HNRNPUL1: variants seen among roughly 807,000 people sequenced by gnomAD.
HNRNPUL1 encodes the protein heterogeneous nuclear ribonucleoprotein U like 1.
In HNRNPUL1, 14 loss-of-function variants were observed where a neutral mutation model predicts 108.5. That is an observed-to-expected ratio of 0.13 (90% confidence interval 0.09 to 0.20). The LOEUF is 0.20. Ranked by LOEUF, HNRNPUL1 falls within the 10% of genes least tolerant of loss-of-function variation. The pLI is 1.00. For missense variants in HNRNPUL1, 804 were observed against 1,168.3 expected, an observed-to-expected ratio of 0.69 and a Z score of 4.55; for synonymous variants, 422 against 445.2, an observed-to-expected ratio of 0.95 and a Z score of 0.66.
At chr19:41,291,098 T>G (rs1403614439) in intron 7 of HNRNPUL1, among the ~76,000 whole-genome samples, 1 of 152,164 alleles carries the variant, frequency 6.6e-6, no homozygotes, top group East Asian at 1.9e-4. Flanking sequence ...CAATAAGTAG[T>G]TGTTACAGAA....
At chr19:41,264,283 C>T (rs978404160), upstream of HNRNPUL1, 37 of 403,930 alleles carry the variant, frequency 9.2e-5, no homozygotes, top group East Asian at 7.6e-4. Flanking sequence ...GGTTTCCGGG[C>T]CCGCGCCCGT....
At chr19:41,281,077 T>C (rs2035871725) in intron 6 of HNRNPUL1, 86 bp from the exon 7 acceptor site, 3 of 846,084 alleles carry the variant, frequency 3.5e-6, no homozygotes, top group East Asian at 4.9e-5. Context: ...ATGATTTTTT[T>C]CTTCAAAAAT....
At chr19:41,301,850 C>T in intron 11 of HNRNPUL1, 146 bp downstream of exon 11, 1 of 743,488 alleles carries the variant, frequency 1.3e-6, no homozygotes, top group Non-Finnish European at 2.1e-6. Flanking sequence ...CCTTCCTTGT[C>T]TACCACAGCT....
At chr19:41,281,405 A>G in intron 7 of HNRNPUL1, 130 bp downstream of exon 7, 1 of 632,074 alleles carries the variant, frequency 1.6e-6, no homozygotes, top group Non-Finnish European at 2.9e-6. Flanking sequence ...TCTCTGCTTG[A>G]CAGACTGGAA....
rs544291183 is a variant in HNRNPUL1, at chr19:41,307,032, A to G, written c.*467A>G. On this transcript the variant is annotated 3_prime_UTR_variant, in exon 15 of 15. Coordinates refer to ENST00000392006, the MANE Select transcript of HNRNPUL1 (RefSeq NM_007040.6). The stretch of plus-strand genomic sequence containing the variant: ...ACTTTTCAGGATTAAAAAAAAAATC[A>G]AAACTTAAAAAAAAAAAAGTTTAAA... The G allele has an allele frequency of 6.5e-6, 1 of 152,940 alleles. No individual in the cohort carries two copies. Among genetic ancestry groups the G allele is most frequent in the South Asian group, 2.1e-4 (1 of 4,818 alleles). The allele number at this position is 152,940 out of a possible 1,614,324, so 9.5% of individuals were successfully genotyped here.
rs1599831302 is a variant in HNRNPUL1 at position 41,292,361 on chromosome 19, C to G, written c.1116C>G (p.Val372=). 6 of 1,614,084 alleles carry G rather than the reference C, an allele frequency of 3.7e-6. No individual in the cohort carries two copies. The highest frequency in any genetic ancestry group is 5.1e-6 in the Non-Finnish European group (6 of 1,180,050). Residue 372 remains valine (V), a synonymous_variant, in exon 8 of 15, where the codon GTC becomes GTG. Transcript: ENST00000392006. This position sits in a 1 kb window ranked among gnomAD's most constrained non-coding sequence, Gnocchi z 4.1. The part of the protein sequence containing the change: ...ALGGQALYPH[V]LVKNCAVEFN... ...GGGGTCAGGCCCTCTATCCTCATGTCCTGGTGAAGAATTGCGCAGTGGAGT... is the reference window on the plus strand; with the variant it reads ...GGGGTCAGGCCCTCTATCCTCATGTGCTGGTGAAGAATTGCGCAGTGGAGT...
chr19:41,264,529 A>G lies in HNRNPUL1; in HGVS notation c.26A>G (p.Asn9Ser). 6.8e-7 allele frequency: 1 copy of G among 1,472,956 alleles called. No homozygotes were observed. The highest frequency in any genetic ancestry group is 9.0e-7 in the Non-Finnish European group (1 of 1,113,242). The allele number at this position is 1,472,956 out of a possible 1,614,324, so 91.2% of individuals were successfully genotyped here. The part of the protein sequence containing the change: MDVRRLKV[N>S]ELREELQRRG... ...ATGGATGTGCGCCGTCTGAAGGTGA[A>G]CGAACTTCGCGAGGAGCTGCAGCGC... The change falls in exon 1 of 15, where the codon AAC (asparagine) becomes AGC (serine). Residue 9 changes from asparagine to serine, a missense_variant. Transcript: ENST00000392006.
Position 41,264,792 on chromosome 19 carries a change from G to A in HNRNPUL1, c.289G>A (p.Gly97Arg). ...GCCCGGCGGCTACTCGGGGCCGGAC[G>A]GACATTGTGAGAGTGCGCGGGGCGG... is the stretch of plus-strand genomic sequence containing the variant. ...AEPGGYSGPD[G>R]HYAMDNITRQ... The change falls in exon 1 of 15, where the codon GGA (glycine) becomes AGA (arginine). Residue 97 changes from glycine to arginine, a missense_variant. Transcript: ENST00000392006. The A allele has an allele frequency of 7.4e-7, 1 of 1,357,736 alleles. No individual in the cohort carries two copies. 84.1% of individuals were successfully genotyped at this position (1,357,736 alleles called of 1,614,324 possible).
rs1195744097 is a variant in HNRNPUL1, at chr19:41,301,717, T to C, written c.1687+13T>C. ...TTAGAAATGAAAGGTAGGAAATGAG[T>C]GCTTCCCAGAGGAACGTCAATGCAG... On this transcript the variant is annotated intron_variant, in intron 11 of 14. Coordinates refer to ENST00000392006, the MANE Select transcript of HNRNPUL1 (RefSeq NM_007040.6). The C allele has an allele frequency of 6.2e-7, 1 of 1,605,972 alleles. No individual in the cohort carries two copies. The highest frequency in any genetic ancestry group is 1.3e-5 in the African/African-American group (1 of 74,698).
intron 5 of HNRNPUL1, among the ~76,000 whole-genome samples, chr19:41,278,725 A>G (rs535143795): frequency 3.3e-5 from 5 of 152,290 alleles, no homozygotes; most frequent in African/African-American, 1.2e-4. Flanking sequence ...TTGGGATTAC[A>G]GGTGTGAGTC....
chr19:41,302,406 A>G, intron 11 of HNRNPUL1: 1 of 490,736 alleles, frequency 2.0e-6, no homozygotes, highest in East Asian at 4.5e-5. Flanking sequence ...TTTAGTAGAG[A>G]TGGGGTTTTG....
intron 1 of HNRNPUL1, among the ~76,000 whole-genome samples, chr19:41,267,328 G>A (rs1270962827): frequency 1.3e-5 from 2 of 152,184 alleles, no homozygotes; most frequent in Non-Finnish European, 2.9e-5. Context: ...ACAGGAGAGA[G>A]ATGCTGGGGA....
chr19:41,306,096 G>A (rs950446364), intron 14 of HNRNPUL1, among the ~76,000 whole-genome samples: 1 of 152,168 alleles, frequency 6.6e-6, no homozygotes, highest in Non-Finnish European at 1.5e-5. Context: ...GGAAGGGCTG[G>A]CCTAAGTACC....
intron 7 of HNRNPUL1, among the ~76,000 whole-genome samples, chr19:41,283,064 A>G (rs543574741): frequency 6.6e-6 from 1 of 152,324 alleles, no homozygotes; most frequent in African/African-American, 2.4e-5. Flanking sequence ...GACATAGCCT[A>G]GAAATATCGG....
intron 7 of HNRNPUL1, among the ~76,000 whole-genome samples, chr19:41,287,807 G>C (rs1304234429): frequency 2.0e-5 from 3 of 152,048 alleles, no homozygotes; most frequent in African/African-American, 7.2e-5. Flanking sequence ...TGATCCACCT[G>C]CCTCAGCCTC....
intron 1 of HNRNPUL1, 133 bp downstream of exon 1, chr19:41,264,931 A>G (rs2034718383): frequency 6.0e-6 from 8 of 1,338,720 alleles, no homozygotes; most frequent in Non-Finnish European, 7.6e-6. Context: ...CCGCCGCCGA[A>G]AAGGATCTGG....
chr19:41,304,739 A>G (rs7245398), intron 13 of HNRNPUL1, among the ~76,000 whole-genome samples: 40,998 of 152,024 alleles, frequency 0.27, 7,024 homozygotes, highest in African/African-American at 0.48. Context: ...CTCAGTTCCC[A>G]TTCTTGGAAA....
chr19:41,291,979 CAAAA>C, intron 7 of HNRNPUL1: 2 of 234,134 alleles, frequency 8.5e-6, no homozygotes, highest in Non-Finnish European at 1.6e-5. Flanking sequence ...GACCCTGTCT[CAAAA>C]AAAAAAAAAA....
chr19:41,279,835 A>G (rs1356597171), intron 6 of HNRNPUL1, among the ~76,000 whole-genome samples: 2 of 152,210 alleles, frequency 1.3e-5, no homozygotes, highest in African/African-American at 4.8e-5. Context: ...AAACTAACCA[A>G]TGTTAACATT....
Sources: gnomAD v4.1 joint callset for allele counts (sites outside exome capture counted in the v4.1 genomes callset) on GRCh38, gnomAD v4.1.1 for gene constraint, Gnocchi (gnomAD v3.1) non-coding constraint, MANE v1.5 for transcripts, NCBI Gene and HGNC (gene_info 2026-07-23, HGNC 2026-07-21) for gene names.